Variants in MAP3K7CL observed in about 807,000 individuals in gnomAD.
MAP3K7CL encodes MAP3K7 C-terminal-like protein.
Under a neutral mutation model 18.6 loss-of-function variants are expected in MAP3K7CL, and 16 were observed. The observed-to-expected ratio is 0.86, with a 90% CI of 0.58 to 1.31. MAP3K7CL has a LOEUF of 1.31. Among genes scored for constraint, MAP3K7CL ranks in the 50% most tolerant of loss-of-function variants. The probability of loss-of-function intolerance (pLI) is 0.00; values close to 1 mark genes in which losing one functional copy is unlikely to be tolerated. For missense variants in MAP3K7CL, 163 were observed against 174.4 expected (o/e 0.93, Z 0.37); for synonymous variants, 65 against 66.8 (o/e 0.97, Z 0.13).
At chr21:29,102,836 G>C (rs1167791732) in intron 4 of MAP3K7CL, among the ~76,000 whole-genome samples, 2 of 152,076 alleles carry the variant, frequency 1.3e-5, no homozygotes, top group Non-Finnish European at 2.9e-5. Flanking sequence ...TGTGGTGAGG[G>C]CACTCAAGCA....
At chr21:29,078,133 C>T (rs530955200) in intron 1 of MAP3K7CL, among the ~76,000 whole-genome samples, 97 of 152,044 alleles carry the variant, frequency 6.4e-4, no homozygotes, top group South Asian at 1.2e-3. Flanking sequence ...CCCATTAAAT[C>T]CTTAACCTCC....
intron 4 of MAP3K7CL, among the ~76,000 whole-genome samples, chr21:29,173,718 T>C (rs2087898158): frequency 6.6e-6 from 1 of 152,216 alleles, no homozygotes; most frequent in Admixed American, 6.5e-5. Context: ...CTTTCCTTTT[T>C]TGAGACAGGA....
At chr21:29,136,973 G>C (rs1175113480) in intron 2 of MAP3K7CL, among the ~76,000 whole-genome samples, 2 of 152,222 alleles carry the variant, frequency 1.3e-5, no homozygotes, top group African/African-American at 4.8e-5. Context: ...AACACTATTT[G>C]TATGATCATT....
intron 4 of MAP3K7CL, among the ~76,000 whole-genome samples, chr21:29,098,191 A>G (rs2832173): frequency 0.3 from 45,125 of 152,054 alleles, 6,924 homozygotes; most frequent in African/African-American, 0.37. Context: ...CAGCACCAGC[A>G]AGTCAGTTCC....
intron 4 of MAP3K7CL, among the ~76,000 whole-genome samples, chr21:29,105,517 T>C (rs1170794286): frequency 6.6e-6 from 1 of 152,172 alleles, no homozygotes; most frequent in Admixed American, 6.5e-5. Context: ...TAAAGGACAT[T>C]CAAGAGCTAT....
At chr21:29,093,677 A>G (rs1203908917) in intron 4 of MAP3K7CL, among the ~76,000 whole-genome samples, 1 of 150,624 alleles carries the variant, frequency 6.6e-6, no homozygotes, top group African/African-American at 2.4e-5. Flanking sequence ...TTTAGTAGAG[A>G]TGGGGCTTCA....
At chr21:29,118,680 C>CT (rs1290536351) in intron 4 of MAP3K7CL, among the ~76,000 whole-genome samples, 3 of 152,204 alleles carry the variant, frequency 2.0e-5, no homozygotes, top group Non-Finnish European at 2.9e-5. Flanking sequence ...TCTGAAAACA[C>CT]TGAGAGAAGT....
intron 4 of MAP3K7CL, chr21:29,109,938 A>G (rs1276524838): frequency 3.4e-6 from 1 of 296,580 alleles, no homozygotes; most frequent in Non-Finnish European, 5.0e-6. Context: ...TGTGTAGTAG[A>G]TTTCTCCTGC....
chr21:29,148,208 G>A (rs182603834), intron 2 of MAP3K7CL, among the ~76,000 whole-genome samples: 1 of 151,826 alleles, frequency 6.6e-6, no homozygotes, highest in East Asian at 1.9e-4. Flanking sequence ...TACCTGTACT[G>A]TATCTCTATT....
intron 4 of MAP3K7CL, chr21:29,122,131 G>C (rs2086604033): frequency 6.6e-6 from 1 of 152,182 alleles, no homozygotes; most frequent in African/African-American, 2.4e-5. Flanking sequence ...AATCTTCCTT[G>C]ACCCTTTGCA....
At chr21:29,086,330 C>T (rs964325610) in intron 1 of MAP3K7CL, among the ~76,000 whole-genome samples, 5 of 152,178 alleles carry the variant, frequency 3.3e-5, no homozygotes, top group African/African-American at 4.8e-5. Context: ...ATTGGCACAT[C>T]TATGTGAGTT....
intron 4 of MAP3K7CL, among the ~76,000 whole-genome samples, chr21:29,165,045 A>G (rs1358988648): frequency 6.6e-6 from 1 of 152,210 alleles, no homozygotes; most frequent in African/African-American, 2.4e-5. Flanking sequence ...GGCTTTTGAA[A>G]TCTATCACCA....
chr21:29,155,708 A>G (rs1248038596), intron 3 of MAP3K7CL, among the ~76,000 whole-genome samples: 1 of 152,152 alleles, frequency 6.6e-6, no homozygotes, highest in Admixed American at 6.6e-5. Flanking sequence ...ACTGCCATGA[A>G]ATATTAAGCC....
chr21:29,150,711 C>T (rs1483478347), intron 3 of MAP3K7CL, among the ~76,000 whole-genome samples: 3 of 151,670 alleles, frequency 2.0e-5, no homozygotes. Flanking sequence ...CCCACTCCCA[C>T]CCCCACCAAT....
intron 3 of MAP3K7CL, among the ~76,000 whole-genome samples, chr21:29,155,669 CAG>C (rs1455781291): frequency 6.6e-6 from 1 of 152,126 alleles, no homozygotes; most frequent in Non-Finnish European, 1.5e-5. Context: ...GGGCGGATAC[CAG>C]AGATAGCAGC....
intron 4 of MAP3K7CL, among the ~76,000 whole-genome samples, chr21:29,100,259 A>G (rs2086203381): frequency 6.6e-6 from 1 of 151,994 alleles, no homozygotes; most frequent in Non-Finnish European, 1.5e-5. Flanking sequence ...TAATCTTCAA[A>G]CCCTTGTTTC....
Position 29,133,384 on chromosome 21 carries a change from C to T in MAP3K7CL, c.40C>T (p.Arg14Cys), listed in dbSNP as rs904867060. The T allele has an allele frequency of 1.4e-5, 22 of 1,550,014 alleles. No homozygotes were observed. Among genetic ancestry groups the T allele is most frequent in the Non-Finnish European group, 1.7e-5 (20 of 1,146,648 alleles). The part of the protein sequence containing the change: ...TARVPADKPV[R>C]IAFSLNDASD... ...CAGGGTACCTGCTGACAAGCCTGTA[C>T]GCATCGCCTTTAGCCTCAATGACGC... Residue 14 changes from arginine (R) to cysteine (C), a missense_variant, in exon 2 of 5, where the codon CGC becomes TGC. Transcript: ENST00000399928.
intron 4 of MAP3K7CL, among the ~76,000 whole-genome samples, chr21:29,111,099 A>G (rs977378356): frequency 1.3e-5 from 2 of 152,004 alleles, no homozygotes; most frequent in African/African-American, 4.8e-5. Flanking sequence ...TACTAAATAT[A>G]CAAAAACTTA....
At chr21:29,171,997 C>T (rs28462110) in intron 4 of MAP3K7CL, among the ~76,000 whole-genome samples, 70,249 of 126,520 alleles carry the variant, frequency 0.56, 17,705 homozygotes, top group African/African-American at 0.68. Flanking sequence ...TGTATGTATA[C>T]GTATGCATAT....
Sources: gnomAD v4.1 joint callset for allele counts (sites outside exome capture counted in the v4.1 genomes callset) on GRCh38, gnomAD v4.1.1 for gene constraint, MANE v1.5 for transcripts, NCBI Gene and HGNC (gene_info 2026-07-23, HGNC 2026-07-21) for gene names.